MYO7B: variants seen among roughly 807,000 people sequenced by gnomAD.
MYO7B encodes the protein unconventional myosin-VIIb.
In MYO7B, 212 loss-of-function variants were observed where a neutral mutation model predicts 259.7. The ratio of observed to expected loss-of-function variants is 0.82; its 90% confidence interval spans 0.73 to 0.91. MYO7B has a LOEUF of 0.91. Among genes scored for constraint, MYO7B ranks in the 40% least tolerant of loss-of-function variants. The probability of loss-of-function intolerance (pLI) is 0.00; values close to 1 mark genes in which losing one functional copy is unlikely to be tolerated. For missense variants in MYO7B, 2,732 were observed against 2,813.5 expected (o/e 0.97, Z 0.66); for synonymous variants, 1,197 against 1,166.4 (o/e 1.03, Z -0.54).
Position 127,627,355 on chromosome 2 carries a change from G to C in MYO7B, c.4460+45G>C. The C allele has an allele frequency of 6.2e-7, 1 of 1,601,440 alleles. No individual in the cohort carries two copies. The highest frequency in any genetic ancestry group is 2.2e-5 in the East Asian group (1 of 44,532). On this transcript the variant is annotated intron_variant, in intron 33 of 47. Transcript: ENST00000409816. The surrounding 1 kb of genome is among the most constrained non-coding windows in gnomAD (Gnocchi z 5.6). ...ATCTCTTCTTACACACTGAGTCCTT[G>C]TGATGCATCTGGGGGCTCGGGGAGA...
intron 1 of MYO7B, among the ~76,000 whole-genome samples, chr2:127,554,323 C>T (rs1384224006): frequency 4.6e-5 from 7 of 152,214 alleles, no homozygotes; most frequent in Non-Finnish European, 2.9e-5. Flanking sequence ...ATCCACCTGC[C>T]TCAGCCTCCC....
chr2:127,584,856 C>T lies in MYO7B; in HGVS notation c.1633C>T (p.His545Tyr), dbSNP rs757050059. Reference protein sequence around the residue: ...NKAFLQPKNIHDARFGIAHFA... With the variant: ...NKAFLQPKNIYDARFGIAHFA... ...GGCCTTCCTACAGCCCAAGAACATC[C>T]ACGATGCCAGATTTGGCATTGCCCA... Residue 545 changes from histidine (H) to tyrosine (Y), a missense_variant, in exon 14 of 48, where the codon CAC becomes TAC. His to Tyr is a moderately conservative substitution (Grantham distance 83). Around this residue, in one of 3 missense-constraint regions of MYO7B, gnomAD observed 1,906 missense variants for 2,026.4 expected, o/e 0.94. Coordinates refer to ENST00000409816, the MANE Select transcript of MYO7B (RefSeq NM_001393586.1). This position sits in a 1 kb window ranked among gnomAD's most constrained non-coding sequence, Gnocchi z 5.8. 2 of 1,613,936 alleles carry T rather than the reference C, an allele frequency of 1.2e-6. No homozygotes were observed. Among genetic ancestry groups the T allele is most frequent in the South Asian group, 2.2e-5 (2 of 91,076 alleles).
intron 37 of MYO7B, 40 bp downstream of exon 37, chr2:127,631,403 C>T (rs373636812): frequency 2.5e-6 from 4 of 1,583,478 alleles, no homozygotes; most frequent in East Asian, 4.5e-5. Flanking sequence ...TCGTCAATGC[C>T]AGGGCAGAGG....
At chr2:127,572,854 A>G (rs902173040) in intron 6 of MYO7B, among the ~76,000 whole-genome samples, 4 of 151,752 alleles carry the variant, frequency 2.6e-5, no homozygotes, top group African/African-American at 9.7e-5. Context: ...CAATTTTGTT[A>G]TTCTTTTTCA....
At chr2:127,593,744 C>T (rs1371559406) in intron 18 of MYO7B, 100 bp downstream of exon 18, 1 of 1,068,920 alleles carries the variant, frequency 9.4e-7, no homozygotes, top group Non-Finnish European at 1.4e-6. Context: ...GTGCCCTGAG[C>T]CAATGACACT....
In MYO7B at chr2:127,636,243, G is replaced by A. The variant is rs773409928; in HGVS notation, c.6042G>A (p.Lys2014=). ...TAGCCTATGACAAGCATAAGGACAA[G>A]ACAGTGGAGGAGGCCAAGGTGGCCT... ...ILLAYDKHKD[K]TVEEAKVAFL... Residue 2014 remains lysine (K), a synonymous_variant, in exon 45 of 48, where the codon AAG becomes AAA. Transcript: ENST00000409816. This position sits in a 1 kb window ranked among gnomAD's most constrained non-coding sequence, Gnocchi z 4.5. The A allele has an allele frequency of 1.2e-6, 2 of 1,613,680 alleles. No individual in the cohort carries two copies. The highest frequency in any genetic ancestry group is 1.7e-6 in the Non-Finnish European group (2 of 1,179,822).
intron 14 of MYO7B, among the ~76,000 whole-genome samples, chr2:127,587,161 G>A (rs570660631): frequency 1.8e-4 from 28 of 152,252 alleles, no homozygotes; most frequent in East Asian, 7.7e-4. Flanking sequence ...TTGGGAGTTC[G>A]TCCTTAGAGA....
Position 127,539,634 on chromosome 2 carries a change from CT to C in MYO7B, c.-24+3804del, listed in dbSNP as rs1164023927. On this transcript the variant is annotated intron_variant, in intron 1 of 47. Transcript: ENST00000409816. This position sits in a 1 kb window ranked among gnomAD's most constrained non-coding sequence, Gnocchi z 4.0. The stretch of plus-strand genomic sequence containing the variant: ...CAGCATGAAGGGGGCTTCTCAAGGA[CT>C]ATCATAAAAAGGAATGAATAAGGAC... 6.6e-6 allele frequency among the ~76,000 whole-genome samples: 1 copy of C among 151,932 alleles called. No individual in the cohort carries two copies. The highest frequency in any genetic ancestry group is 1.5e-5 in the Non-Finnish European group (1 of 68,002).
rs1435095368 is a variant in MYO7B, at chr2:127,607,730, G to A, written c.2643+306G>A. ...GCTCTGCAATGGCTGGGGAGCCGTG[G>A]CCACCACCCAGGAGCACGCAGGGTA... On this transcript the variant is annotated intron_variant, in intron 21 of 47. Transcript: ENST00000409816. The surrounding 1 kb of genome is among the most constrained non-coding windows in gnomAD (Gnocchi z 4.4). Among the ~76,000 whole-genome samples the A allele has an allele frequency of 6.6e-6, 1 of 152,176 alleles. No individual in the cohort carries two copies. Among genetic ancestry groups the A allele is most frequent in the Admixed American group, 6.5e-5 (1 of 15,282 alleles).
chr2:127,536,957 G>A (rs1692804652), intron 1 of MYO7B, among the ~76,000 whole-genome samples: 1 of 152,194 alleles, frequency 6.6e-6, no homozygotes, highest in Non-Finnish European at 1.5e-5. Context: ...CTGTGGAGAG[G>A]CGGCACCACA....
chr2:127,605,543 C>A (rs574162000), intron 19 of MYO7B, among the ~76,000 whole-genome samples: 1 of 152,222 alleles, frequency 6.6e-6, no homozygotes, highest in South Asian at 2.1e-4. Context: ...TTACAGTGAG[C>A]CGAGATCCGT....
At chr2:127,623,736 G>C (rs1170568356) in intron 29 of MYO7B, among the ~76,000 whole-genome samples, 1 of 152,060 alleles carries the variant, frequency 6.6e-6, no homozygotes, top group African/African-American at 2.4e-5. Flanking sequence ...AAACATGGAG[G>C]GTCACACCAG....
chr2:127,621,264 T>TG (rs1680826452), intron 27 of MYO7B, among the ~76,000 whole-genome samples: 1 of 129,622 alleles, frequency 7.7e-6, no homozygotes, highest in Non-Finnish European at 1.6e-5. Context: ...TTTTTTTTTT[T>TG]GTTTTTTTTT....
chr2:127,629,884 C>T (rs1244010513), intron 35 of MYO7B, 58 bp downstream of exon 35: 9 of 1,454,390 alleles, frequency 6.2e-6, no homozygotes, highest in Admixed American at 2.6e-5. Context: ...GTGGAGCAGT[C>T]CTGGGATGCC....
chr2:127,636,597 A>C lies in MYO7B; in HGVS notation c.6176A>C (p.His2059Pro), dbSNP rs562365051. The change falls in exon 46 of 48, where the codon CAT (histidine) becomes CCT (proline). Residue 2059 changes from histidine (H) to proline (P), a missense_variant. By Grantham distance (77) the His-to-Pro change is moderately conservative. Around this residue, in one of 3 missense-constraint regions of MYO7B, gnomAD observed 821 missense variants for 769.3 expected, o/e 1.07. Transcript: ENST00000409816. This position sits in a 1 kb window ranked among gnomAD's most constrained non-coding sequence, Gnocchi z 4.5. ...PDVILIAINR[H>P]GVLLIHPKTK... ...GTCATCCTCATCGCCATCAACCGAC[A>C]TGGGGTTCTGCTCATCCACCCCAAG... is the stretch of plus-strand genomic sequence containing the variant. The C allele has an allele frequency of 6.2e-7, 1 of 1,612,822 alleles. No homozygotes were observed. The highest frequency in any genetic ancestry group is 1.7e-5 in the Admixed American group (1 of 59,894).
chr2:127,582,580 T>C, intron 12 of MYO7B, 134 bp downstream of exon 12: 1 of 1,072,986 alleles, frequency 9.3e-7, no homozygotes, highest in Non-Finnish European at 1.3e-6. Flanking sequence ...ATCCGTGTGC[T>C]CTGCATGGGG....
intron 12 of MYO7B, 119 bp downstream of exon 12, chr2:127,582,565 AC>A: frequency 8.2e-7 from 1 of 1,226,876 alleles, no homozygotes; most frequent in Non-Finnish European, 1.1e-6. Context: ...GGCGAGTCCC[AC>A]CAGATCCGTG....
chr2:127,542,000 C>T (rs1418635777), intron 1 of MYO7B, among the ~76,000 whole-genome samples: 1 of 152,260 alleles, frequency 6.6e-6, no homozygotes, highest in African/African-American at 2.4e-5. Context: ...TGGGAGAAGA[C>T]AGGATGGAGG....
At chr2:127,540,096 T>C (rs1383944239) in intron 1 of MYO7B, among the ~76,000 whole-genome samples, 1 of 152,148 alleles carries the variant, frequency 6.6e-6, no homozygotes, top group African/African-American at 2.4e-5. Context: ...GACACTTAGG[T>C]TGGTTCCATA....
Sources: allele counts gnomAD v4.1 joint callset (sites outside exome capture counted in the v4.1 genomes callset), GRCh38; gene constraint gnomAD v4.1.1; regional missense constraint gnomAD v4.1.1; non-coding constraint Gnocchi (gnomAD v3.1); transcripts MANE v1.5; gene names NCBI Gene and HGNC (gene_info 2026-07-23, HGNC 2026-07-21).